Variants in TRAPPC9 observed in about 807,000 individuals in gnomAD.
TRAPPC9 encodes the protein trafficking protein particle complex subunit 9.
TRAPPC9 carries 83 observed loss-of-function variants against 124.0 expected under a neutral mutation model. The observed-to-expected ratio is 0.67, with a 90% CI of 0.56 to 0.80. The LOEUF (loss-of-function observed/expected upper bound fraction) is 0.80, where lower values mean the gene tolerates loss of function less well. TRAPPC9 is among the 30% of genes least tolerant of loss of function. The probability of loss-of-function intolerance (pLI) is 0.00; values close to 1 mark genes in which losing one functional copy is unlikely to be tolerated. For synonymous variants in TRAPPC9, 638 were observed against 617.5 expected, an observed-to-expected ratio of 1.03 and a Z score of -0.49; for missense variants, 1,302 against 1,508.3, an observed-to-expected ratio of 0.86 and a Z score of 2.27.
At chr8:139,868,454 T>G (rs186096612) in intron 21 of TRAPPC9, among the ~76,000 whole-genome samples, 1 of 152,354 alleles carries the variant, frequency 6.6e-6, no homozygotes, top group Admixed American at 6.5e-5. Flanking sequence ...TTTCCTTTCT[T>G]TCCTCTTAAA....
intron 14 of TRAPPC9, among the ~76,000 whole-genome samples, chr8:140,278,260 T>C (rs1192647856): frequency 6.6e-6 from 1 of 152,134 alleles, no homozygotes; most frequent in South Asian, 2.1e-4. Context: ...CATGCCACCA[T>C]GCCCAGCTAA....
At chr8:140,179,740 G>C (rs560506132) in intron 17 of TRAPPC9, among the ~76,000 whole-genome samples, 2 of 152,122 alleles carry the variant, frequency 1.3e-5, no homozygotes, top group South Asian at 4.1e-4. Context: ...CATGCATGTT[G>C]AAGCTCTGTT....
chr8:140,283,597 A>C (rs1010222265), intron 14 of TRAPPC9, among the ~76,000 whole-genome samples: 1 of 152,018 alleles, frequency 6.6e-6, no homozygotes, highest in Non-Finnish European at 1.5e-5. Context: ...CGCCAGGCCA[A>C]AATTCCCTAT....
At chr8:140,278,613 C>T (rs535234750) in intron 14 of TRAPPC9, among the ~76,000 whole-genome samples, 1 of 152,350 alleles carries the variant, frequency 6.6e-6, no homozygotes, top group African/African-American at 2.4e-5. Context: ...CCTGCTGAGC[C>T]TCACCCTGTG....
intron 17 of TRAPPC9, among the ~76,000 whole-genome samples, chr8:140,032,590 C>T (rs1470529828): frequency 1.3e-5 from 2 of 152,138 alleles, no homozygotes; most frequent in Non-Finnish European, 2.9e-5. Context: ...GACATGTGTG[C>T]CATTCCATGG....
intron 19 of TRAPPC9, among the ~76,000 whole-genome samples, chr8:139,949,287 G>C (rs1162773881): frequency 6.6e-6 from 1 of 152,122 alleles, no homozygotes; most frequent in Non-Finnish European, 1.5e-5. Flanking sequence ...TAATAAAATT[G>C]AGAAATAATT....
intron 18 of TRAPPC9, among the ~76,000 whole-genome samples, chr8:140,002,844 C>CAAA (rs56895763): frequency 4.2e-4 from 29 of 68,802 alleles, no homozygotes; most frequent in African/African-American, 7.3e-4. Flanking sequence ...TTCCACTTAT[C>CAAA]AAAAAAAAAA....
chr8:139,765,700 C>T (rs369919560), intron 21 of TRAPPC9, among the ~76,000 whole-genome samples: 2 of 152,200 alleles, frequency 1.3e-5, no homozygotes, highest in South Asian at 2.1e-4. Flanking sequence ...GTGTGGGGTA[C>T]GGAGGTGAGG....
intron 17 of TRAPPC9, among the ~76,000 whole-genome samples, chr8:140,161,777 C>G (rs1185086554): frequency 6.6e-6 from 1 of 151,964 alleles, no homozygotes; most frequent in East Asian, 1.9e-4. Flanking sequence ...GGCTCAGCAA[C>G]TAGATTTGGG....
chr8:140,330,151 G>A (rs975708741), intron 9 of TRAPPC9, among the ~76,000 whole-genome samples: 4 of 151,786 alleles, frequency 2.6e-5, no homozygotes, highest in African/African-American at 7.3e-5. Flanking sequence ...CTTTGCCACC[G>A]AGATTGCCCC....
intron 17 of TRAPPC9, among the ~76,000 whole-genome samples, chr8:140,067,596 A>G (rs1842953501): frequency 6.6e-6 from 1 of 152,230 alleles, no homozygotes; most frequent in African/African-American, 2.4e-5. Context: ...AAGAACTGAA[A>G]GCGAACTTGG....
intron 21 of TRAPPC9, among the ~76,000 whole-genome samples, chr8:139,875,930 C>T (rs1829288114): frequency 1.3e-5 from 2 of 152,178 alleles, no homozygotes; most frequent in African/African-American, 4.8e-5. Context: ...AGGCAGAGGG[C>T]CGGTGGGCAA....
At chr8:140,188,178 G>C (rs1254530085) in intron 17 of TRAPPC9, among the ~76,000 whole-genome samples, 1 of 152,218 alleles carries the variant, frequency 6.6e-6, no homozygotes, top group East Asian at 1.9e-4. Flanking sequence ...GGTTGAGGGT[G>C]GGGGAGATTT....
intron 17 of TRAPPC9, among the ~76,000 whole-genome samples, chr8:140,148,981 T>C (rs2061501146): frequency 6.6e-6 from 1 of 152,182 alleles, no homozygotes; most frequent in Admixed American, 6.5e-5. Context: ...GCTAATGCAT[T>C]TGGGGGTGGG....
intron 17 of TRAPPC9, among the ~76,000 whole-genome samples, chr8:140,162,152 G>A (rs756136151): frequency 2.2e-4 from 33 of 152,074 alleles, no homozygotes; most frequent in Non-Finnish European, 3.7e-4. Flanking sequence ...GAATCCAGGC[G>A]AAACTGAGAA....
chr8:140,048,513 G>T (rs1000181314), intron 17 of TRAPPC9, among the ~76,000 whole-genome samples: 4 of 152,114 alleles, frequency 2.6e-5, no homozygotes, highest in African/African-American at 9.7e-5. Context: ...TGTAATCCTT[G>T]CAGCCATCCA....
rs1306097092 is a variant in TRAPPC9 at position 140,364,855 on chromosome 8, A to T, written c.1352-4662T>A. Reference sequence around the variant, plus strand: ...CCAAAGTGCTGGGATTACAGGCATGAGCCACCATACCTGGCCACTCTTAGC... The same window carrying T: ...CCAAAGTGCTGGGATTACAGGCATGTGCCACCATACCTGGCCACTCTTAGC... On this transcript the variant is annotated intron_variant, in intron 8 of 22. Coordinates refer to ENST00000438773, the MANE Select transcript of TRAPPC9 (RefSeq NM_001160372.4). Among the ~76,000 whole-genome samples the T allele has an allele frequency of 2.6e-5, 4 of 152,008 alleles. No homozygotes were observed. The South Asian group carries it at 8.3e-4, about 32-fold the overall frequency.
chr8:140,177,642 G>A (rs560859884), intron 17 of TRAPPC9, among the ~76,000 whole-genome samples: 1 of 152,218 alleles, frequency 6.6e-6, no homozygotes, highest in African/African-American at 2.4e-5. Flanking sequence ...AAGCCTGCTG[G>A]AATTTCGATT....
intron 6 of TRAPPC9, among the ~76,000 whole-genome samples, chr8:140,402,669 C>G (rs1450558217): frequency 1.3e-5 from 2 of 151,104 alleles, no homozygotes; most frequent in African/African-American, 4.9e-5. Flanking sequence ...GCACTCCAGC[C>G]TGGGCAACAG....
Sources: allele counts gnomAD v4.1 joint callset (sites outside exome capture counted in the v4.1 genomes callset), GRCh38; gene constraint gnomAD v4.1.1; transcripts MANE v1.5; gene names NCBI Gene and HGNC (gene_info 2026-07-23, HGNC 2026-07-21).